The following FBXW11 variants were observed in gnomAD, a reference collection of about 807,000 sequenced individuals.
The protein encoded by FBXW11 is F-box and WD repeat domain containing 11.
A neutral mutation model predicts 77.6 loss-of-function variants in FBXW11; 19 were observed. That is an observed-to-expected ratio of 0.24 (90% confidence interval 0.17 to 0.36). The LOEUF (loss-of-function observed/expected upper bound fraction) is 0.36. Ranked by LOEUF, FBXW11 falls within the 10% of genes least tolerant of loss-of-function variation. The probability of loss-of-function intolerance (pLI) is 1.00; values close to 1 mark genes in which losing one functional copy is unlikely to be tolerated. For synonymous variants in FBXW11, 235 were observed against 249.4 expected (o/e 0.94, Z 0.54); for missense variants, 334 against 704.2 (o/e 0.47, Z 5.95).
At position 172,006,600 on chromosome 5, in the gene FBXW11, C is replaced by A. The variant is rs930259523; in HGVS notation, c.-98G>T. ...AGGCGGCAGAGGCGGAGGCGGCTAT[C>A]GCACCCACTCTAGCTGCCAGCCCGC... On this transcript the variant is annotated 5_prime_UTR_variant, in exon 1 of 14. Transcript: ENST00000517395. The A allele has an allele frequency of 3.7e-6, 5 of 1,367,690 alleles. No homozygotes were observed. The highest frequency in any genetic ancestry group is 6.2e-5 in the East Asian group (2 of 32,512). The allele number at this position is 1,367,690 out of a possible 1,614,324, so 84.7% of individuals were successfully genotyped here.
rs149563908 is a variant in FBXW11 at position 171,883,423 on chromosome 5, C to T, written c.853-5294G>A. Among the ~76,000 whole-genome samples, 63 of 152,248 alleles carry T rather than the reference C, an allele frequency of 4.1e-4. 1 individual carries two copies. The highest frequency in any genetic ancestry group is 6.3e-4 in the Non-Finnish European group (43 of 68,020). Reference sequence around the variant, plus strand: ...GGATAGCATTAGGAGATATACCTAACATTAAATGACGAGTTAATGGGTGCA... The same window carrying T: ...GGATAGCATTAGGAGATATACCTAATATTAAATGACGAGTTAATGGGTGCA... On this transcript the variant is annotated intron_variant, in intron 7 of 13. Coordinates refer to ENST00000517395, the MANE Select transcript of FBXW11 (RefSeq NM_001378974.1).
chr5:171,946,800 C>G (rs1297020097), intron 2 of FBXW11, among the ~76,000 whole-genome samples: 1 of 129,860 alleles, frequency 7.7e-6, no homozygotes. Flanking sequence ...ATCCTGTGTA[C>G]TTTACTTTTT....
intron 1 of FBXW11, among the ~76,000 whole-genome samples, chr5:171,959,090 AC>A (rs1370145644): frequency 1.3e-5 from 2 of 151,308 alleles, no homozygotes; most frequent in East Asian, 3.9e-4. Flanking sequence ...CACCTATGAT[AC>A]ACGGAATATT....
At chr5:171,899,342 A>G (rs1561663021) in intron 5 of FBXW11, among the ~76,000 whole-genome samples, 1 of 152,214 alleles carries the variant, frequency 6.6e-6, no homozygotes, top group South Asian at 2.1e-4. Flanking sequence ...TTCATTCCAT[A>G]GAGTTTAATA....
chr5:171,917,140 C>T (rs369743855), intron 2 of FBXW11, among the ~76,000 whole-genome samples: 1 of 152,024 alleles, frequency 6.6e-6, no homozygotes, highest in Non-Finnish European at 1.5e-5. Context: ...AGGATGGTCT[C>T]GATCTCTTGA....
intron 2 of FBXW11, among the ~76,000 whole-genome samples, chr5:171,944,938 G>C (rs1194605050): frequency 6.6e-6 from 1 of 152,040 alleles, no homozygotes; most frequent in Admixed American, 6.6e-5. Context: ...AGCTTATTAT[G>C]CTTATTCTTC....
chr5:171,970,389 C>G (rs1764456311), intron 1 of FBXW11, among the ~76,000 whole-genome samples: 1 of 152,206 alleles, frequency 6.6e-6, no homozygotes, highest in African/African-American at 2.4e-5. Flanking sequence ...TTCTAAGTTT[C>G]CTGAGGCCTC....
At chr5:172,002,573 G>A (rs1256411905) in intron 1 of FBXW11, among the ~76,000 whole-genome samples, 5 of 148,712 alleles carry the variant, frequency 3.4e-5, no homozygotes, top group African/African-American at 1.2e-4. Flanking sequence ...TCTTGATGAA[G>A]TCACTAAACA....
chr5:171,910,483 CTCAT>C, intron 4 of FBXW11, 85 bp downstream of exon 4: 1 of 794,896 alleles, frequency 1.3e-6, no homozygotes, highest in Non-Finnish European at 2.0e-6. Context: ...TCACACAGTA[CTCAT>C]TCAATCATTT....
chr5:171,970,840 C>G (rs575997835), intron 1 of FBXW11, among the ~76,000 whole-genome samples: 64 of 152,152 alleles, frequency 4.2e-4, no homozygotes, highest in Admixed American at 7.2e-4. Context: ...CCTAAGCTGA[C>G]CTTGGTTTCA....
chr5:171,929,519 ACTGT>A (rs766777985), intron 2 of FBXW11, among the ~76,000 whole-genome samples: 64 of 152,214 alleles, frequency 4.2e-4, no homozygotes, highest in Non-Finnish European at 7.5e-4. Flanking sequence ...AGATGGTATG[ACTGT>A]CTAACTAGAA....
At chr5:171,882,132 T>C (rs1284567497) in intron 7 of FBXW11, among the ~76,000 whole-genome samples, 1 of 152,254 alleles carries the variant, frequency 6.6e-6, no homozygotes. Context: ...CTGTTCTTTT[T>C]CTAGTTTCCT....
chr5:171,984,826 A>G (rs1581076001), intron 1 of FBXW11, among the ~76,000 whole-genome samples: 2 of 152,238 alleles, frequency 1.3e-5, no homozygotes, highest in Admixed American at 1.3e-4. Context: ...TCAAAAATAA[A>G]GGCAGGTCGA....
At chr5:171,957,861 G>A (rs1763697637) in intron 1 of FBXW11, among the ~76,000 whole-genome samples, 163 bp from the exon 2 acceptor site, 1 of 152,190 alleles carries the variant, frequency 6.6e-6, no homozygotes, top group Admixed American at 6.5e-5. Flanking sequence ...CTTGGGGGAG[G>A]GCCCACTTGA....
intron 10 of FBXW11, among the ~76,000 whole-genome samples, chr5:171,872,052 A>C (rs918071563): frequency 2.0e-5 from 3 of 152,232 alleles, no homozygotes; most frequent in African/African-American, 7.2e-5. Flanking sequence ...AAAGTGATAA[A>C]GCAAACTTAA....
At chr5:171,977,494 A>G (rs950045121) in intron 1 of FBXW11, 4 of 381,664 alleles carry the variant, frequency 1.0e-5, no homozygotes, top group Non-Finnish European at 2.1e-5. Context: ...CCTCGCCCCC[A>G]TGGAGATTAC....
intron 2 of FBXW11, among the ~76,000 whole-genome samples, chr5:171,917,772 G>GTGTGTT (rs2113969751): frequency 6.8e-6 from 1 of 146,436 alleles, no homozygotes; most frequent in South Asian, 2.2e-4. Flanking sequence ...CACTCTGTGT[G>GTGTGTT]TGTGTGTGTG....
At chr5:171,908,199 T>C (rs1051565241) in intron 4 of FBXW11, among the ~76,000 whole-genome samples, 6 of 152,176 alleles carry the variant, frequency 3.9e-5, no homozygotes, top group Non-Finnish European at 8.8e-5. Flanking sequence ...CTGCATCATA[T>C]GTACATGCCT....
At chr5:171,931,840 C>T (rs796391574) in intron 2 of FBXW11, among the ~76,000 whole-genome samples, 1 of 11,694 alleles carries the variant, frequency 8.6e-5, no homozygotes, top group African/African-American at 3.6e-4. Context: ...TCTCTCCCTC[C>T]CTCCCTCCCT....
Sources: allele counts gnomAD v4.1 joint callset (sites outside exome capture counted in the v4.1 genomes callset), GRCh38; gene constraint gnomAD v4.1.1; transcripts MANE v1.5; gene names NCBI Gene and HGNC (gene_info 2026-07-23, HGNC 2026-07-21).